Variants in GLT1D1 observed in about 807,000 individuals in gnomAD.
The protein encoded by GLT1D1 is glycosyltransferase 1 domain-containing protein 1.
In GLT1D1, 21 loss-of-function variants were observed where a neutral mutation model predicts 28.7. That is an observed-to-expected ratio of 0.73 (90% confidence interval 0.52 to 1.05). GLT1D1 has a LOEUF of 1.05. Ranked by LOEUF, GLT1D1 falls within the 50% of genes least tolerant of loss-of-function variation. The pLI is 0.00. For synonymous variants in GLT1D1, 147 were observed against 124.8 expected (o/e 1.18, Z -1.19); for missense variants, 343 against 330.6 (o/e 1.04, Z -0.29).
At chr12:128,952,872 C>T (rs563764283) in intron 6 of GLT1D1, among the ~76,000 whole-genome samples, 7 of 150,074 alleles carry the variant, frequency 4.7e-5, no homozygotes, top group Admixed American at 3.3e-4. Flanking sequence ...TCCACCTCCC[C>T]GGTTCAAGTG....
At chr12:128,881,527 C>G (rs2702207) in intron 2 of GLT1D1, among the ~76,000 whole-genome samples, 1,042 of 65,358 alleles carry the variant, frequency 0.016, 25 homozygotes, top group African/African-American at 0.058. Context: ...GAGTGAGACT[C>G]TGTATCGAAA....
In GLT1D1 at chr12:128,965,869, T is replaced by C. The variant is rs574474142; in HGVS notation, c.639+8226T>C. On this transcript the variant is annotated intron_variant, in intron 7 of 7. Coordinates refer to ENST00000281703, the MANE Select transcript of GLT1D1 (RefSeq NM_144669.3). ...GAGATCTTGCCACTGCACTCCACCC[T>C]GGATAACAGCAAGACCCTGTCTCAA... Among the ~76,000 whole-genome samples, 3 of 152,082 alleles carry C rather than the reference T, an allele frequency of 2.0e-5. No homozygotes were observed. In the South Asian group the frequency reaches 6.2e-4, roughly 32 times the overall value.
At chr12:128,909,555 A>T (rs1466482079) in intron 4 of GLT1D1, among the ~76,000 whole-genome samples, 1 of 152,242 alleles carries the variant, frequency 6.6e-6, no homozygotes, top group African/African-American at 2.4e-5. Flanking sequence ...CAGAACAAAA[A>T]CTATTATTTT....
At chr12:128,935,597 G>A (rs1166291262) in intron 4 of GLT1D1, among the ~76,000 whole-genome samples, 5 of 150,890 alleles carry the variant, frequency 3.3e-5, no homozygotes, top group African/African-American at 1.2e-4. Flanking sequence ...CTAAAATGTC[G>A]CTGAGGCTGC....
intron 3 of GLT1D1, among the ~76,000 whole-genome samples, chr12:128,893,936 GT>G (rs773233567): frequency 6.6e-6 from 1 of 152,108 alleles, no homozygotes; most frequent in Non-Finnish European, 1.5e-5. Context: ...GCAAAGGAAG[GT>G]TTACACACTC....
chr12:128,874,120 C>CCCTTTCTTTCTTTCTTTCTTTCTTTCTT (rs1555261631), intron 1 of GLT1D1, among the ~76,000 whole-genome samples: 4 of 52,812 alleles, frequency 7.6e-5, no homozygotes, highest in African/African-American at 2.6e-4. Context: ...CTCTCTCTCT[C>CCCTTTCTTTCTTTCTTTCTTTCTTTCTT]TCTCTCTTTC....
At chr12:128,972,101 G>T (rs1879239263) in intron 7 of GLT1D1, among the ~76,000 whole-genome samples, 2 of 152,018 alleles carry the variant, frequency 1.3e-5, no homozygotes, top group African/African-American at 4.8e-5. Flanking sequence ...GGCTGCAGCG[G>T]AACTGGGCTG....
intron 2 of GLT1D1, among the ~76,000 whole-genome samples, chr12:128,879,971 T>C (rs1395769784): frequency 6.6e-6 from 1 of 152,256 alleles, no homozygotes; most frequent in Non-Finnish European, 1.5e-5. Context: ...CAAGCAAGGC[T>C]GAAGTGTTTT....
At chr12:128,889,252 C>T (rs955805579) in intron 3 of GLT1D1, among the ~76,000 whole-genome samples, 2 of 152,148 alleles carry the variant, frequency 1.3e-5, no homozygotes, top group African/African-American at 4.8e-5. Context: ...CTATCTTTGG[C>T]ATGGGTCTTA....
chr12:128,858,426 C>A (rs893445377), intron 1 of GLT1D1, among the ~76,000 whole-genome samples: 1 of 152,190 alleles, frequency 6.6e-6, no homozygotes, highest in Non-Finnish European at 1.5e-5. Context: ...AATCACAACA[C>A]TTTGGGAGGC....
intron 4 of GLT1D1, among the ~76,000 whole-genome samples, chr12:128,918,837 C>G (rs951979853): frequency 6.6e-6 from 1 of 152,226 alleles, no homozygotes; most frequent in Non-Finnish European, 1.5e-5. Flanking sequence ...ATTCCATAGT[C>G]TCAGGGTTGA....
intron 1 of GLT1D1, among the ~76,000 whole-genome samples, chr12:128,855,242 A>AAC (rs1555257569): frequency 7.9e-6 from 1 of 126,686 alleles, no homozygotes; most frequent in East Asian, 2.3e-4. Flanking sequence ...AAAAAAAAAA[A>AAC]ACAACAACAA....
chr12:128,982,712 ATGTATGTGTGCG>A (rs1312791208), intron 7 of GLT1D1, among the ~76,000 whole-genome samples: 4 of 151,594 alleles, frequency 2.6e-5, no homozygotes, highest in Admixed American at 2.0e-4. Flanking sequence ...GTGTGTGTGC[ATGTATGTGTGCG>A]TGTGTGTGTG....
intron 1 of GLT1D1, among the ~76,000 whole-genome samples, chr12:128,860,250 C>T (rs995253494): frequency 6.6e-6 from 1 of 152,226 alleles, no homozygotes; most frequent in Non-Finnish European, 1.5e-5. Context: ...CACCTGAGGT[C>T]AGGAGTTCAA....
Position 128,912,376 on chromosome 12 carries a change from T to C in GLT1D1, c.375+13089T>C, listed in dbSNP as rs1484833030. Reference sequence around the variant, plus strand: ...TTTTATTTCTAAAAAGCAGTTGTCATGCACTGTCCAATGTACTTTTCTTTT... The same window carrying C: ...TTTTATTTCTAAAAAGCAGTTGTCACGCACTGTCCAATGTACTTTTCTTTT... On this transcript the variant is annotated intron_variant, in intron 4 of 7. Transcript: ENST00000281703. 5.4e-6 allele frequency: 7 copies of C among 1,286,352 alleles called. No homozygotes were observed. In the South Asian group the frequency reaches 6.6e-5, roughly 12 times the overall value. The allele number at this position is 1,286,352 out of a possible 1,614,324, so 79.7% of individuals were successfully genotyped here. A position where few individuals can be genotyped will look rare whatever the true frequency, so the allele number is the denominator to read the frequency against.
intron 7 of GLT1D1, among the ~76,000 whole-genome samples, chr12:128,972,545 G>A (rs1440506930): frequency 6.6e-6 from 1 of 152,184 alleles, no homozygotes; most frequent in East Asian, 1.9e-4. Context: ...AACATGTTCT[G>A]GGAGGAAAAA....
At chr12:128,913,117 A>G (rs1043034983) in intron 4 of GLT1D1, among the ~76,000 whole-genome samples, 1 of 152,184 alleles carries the variant, frequency 6.6e-6, no homozygotes, top group Non-Finnish European at 1.5e-5. Flanking sequence ...AGTTGGGGGA[A>G]CTGGAACTCT....
At chr12:128,949,096 A>C (rs1430229771) in intron 6 of GLT1D1, among the ~76,000 whole-genome samples, 1 of 152,200 alleles carries the variant, frequency 6.6e-6, no homozygotes, top group East Asian at 1.9e-4. Flanking sequence ...TTTATTCGTC[A>C]TGTAGGCTTT....
intron 7 of GLT1D1, among the ~76,000 whole-genome samples, chr12:128,959,412 G>GGGCGGGA (rs1555219949): frequency 1.1e-4 from 2 of 17,678 alleles, no homozygotes; most frequent in East Asian, 0.016. Context: ...ATGAGGCAGT[G>GGGCGGGA]GGGGGGGACG....
Sources: allele counts gnomAD v4.1 joint callset (sites outside exome capture counted in the v4.1 genomes callset), GRCh38; gene constraint gnomAD v4.1.1; transcripts MANE v1.5; gene names NCBI Gene and HGNC (gene_info 2026-07-23, HGNC 2026-07-21).